Variants in PTPDC1 observed in about 807,000 individuals in gnomAD.
PTPDC1 encodes the protein protein tyrosine phosphatase domain containing 1.
In PTPDC1, 53 loss-of-function variants were observed where a neutral mutation model predicts 75.3. The ratio of observed to expected loss-of-function variants is 0.70; its 90% CI spans 0.56 to 0.88. The LOEUF (loss-of-function observed/expected upper bound fraction) is 0.88. Ranked by LOEUF, PTPDC1 falls within the 40% of genes least tolerant of loss-of-function variation. The pLI, the probability that PTPDC1 is intolerant of heterozygous loss-of-function variation, is 0.00. For missense variants in PTPDC1, 925 were observed against 998.6 expected, an observed-to-expected ratio of 0.93 and a Z score of 0.99; for synonymous variants, 349 against 366.2, an observed-to-expected ratio of 0.95 and a Z score of 0.54.
chr9:94,041,640 T>G (rs1825429993), intron 1 of PTPDC1, among the ~76,000 whole-genome samples: 1 of 152,222 alleles, frequency 6.6e-6, no homozygotes, highest in African/African-American at 2.4e-5. Context: ...ATTTATTTTG[T>G]TACTCAAATT....
rs1354334231 is a variant in PTPDC1, at chr9:94,098,175, G to A, written c.1609G>A (p.Glu537Lys). 13 of 1,614,080 alleles carry A rather than the reference G, an allele frequency of 8.1e-6. No individual in the cohort carries two copies. The highest frequency in any genetic ancestry group is 1.0e-5 in the Non-Finnish European group (12 of 1,180,032). ...PIFHGRIIPK[E>K]AQQSGAFSAD... is the part of the protein sequence containing the mutation. ...TTTCCATGGAAGGATCATTCCAAAG[G>A]AAGCACAGCAGAGTGGAGCTTTCTC... The change falls in exon 6 of 9, where the codon GAA becomes AAA. Residue 537 changes from glutamate (E) to lysine (K), a missense_variant. Physicochemically the swap from Glu to Lys is moderately conservative, Grantham distance 56. Coordinates refer to ENST00000620992, the MANE Select transcript of PTPDC1 (RefSeq NM_001253829.2).
rs757128602 is a variant in PTPDC1 at position 94,098,092 on chromosome 9, T to C, written c.1526T>C (p.Phe509Ser). Residue 509 changes from phenylalanine (F) to serine (S), a missense_variant, in exon 6 of 9, where the codon TTC (phenylalanine) becomes TCC (serine). Phe to Ser is a radical substitution (Grantham distance 155, BLOSUM62 -2). Transcript: ENST00000620992. ...GCCTTGGTTCGCAGCACACTTTCTTTCTGGAGTCAGTCAAAGTTTGGAGGC... is the reference window on the plus strand; with the variant it reads ...GCCTTGGTTCGCAGCACACTTTCTTCCTGGAGTCAGTCAAAGTTTGGAGGC... ...KEALVRSTLS[F>S]WSQSKFGGLE... is the part of the protein sequence containing the mutation. 1 of 1,614,200 alleles carries C rather than the reference T, an allele frequency of 6.2e-7. No homozygotes were observed. The highest frequency in any genetic ancestry group is 1.1e-5 in the South Asian group (1 of 91,072).
intron 7 of PTPDC1, among the ~76,000 whole-genome samples, chr9:94,103,920 A>G (rs1827929151): frequency 6.6e-6 from 1 of 152,196 alleles, no homozygotes; most frequent in Non-Finnish European, 1.5e-5. Flanking sequence ...ATGTATCTCT[A>G]TGACATGTCA....
At chr9:94,064,586 A>G in intron 1 of PTPDC1, 1 of 585,470 alleles carries the variant, frequency 1.7e-6, no homozygotes. Context: ...ACTTAACAGC[A>G]CATCTCAACC....
chr9:94,056,055 G>A (rs1825923910), intron 1 of PTPDC1, among the ~76,000 whole-genome samples: 2 of 152,098 alleles, frequency 1.3e-5, no homozygotes, highest in South Asian at 4.1e-4. Context: ...TATATGGGAA[G>A]CCTCTATACC....
rs1444817556 is a variant in PTPDC1, at chr9:94,101,751, GGTAAAGTGGCT to G, written c.2199+4_2199+14del. 6.2e-7 allele frequency: 1 copy of G among 1,603,272 alleles called. No homozygotes were observed. ...CAGAAGCACTTTTTTTATTAGAGAA[GGTAAAGTGGCT>G]GTAGGACCAGTTAATGACTGTAACT... On this transcript the variant is annotated splice_donor_variant and splice_donor_5th_base_variant and intron_variant, in intron 7 of 8. Transcript: ENST00000620992. LOFTEE classifies it high-confidence loss of function.
At chr9:94,077,966 T>G (rs567088617) in intron 2 of PTPDC1, among the ~76,000 whole-genome samples, 1 of 152,208 alleles carries the variant, frequency 6.6e-6, no homozygotes. Context: ...AGACCAAATA[T>G]GTATTTCACA....
At chr9:94,104,519 T>G (rs1827950916) in intron 8 of PTPDC1, 134 bp downstream of exon 8, 3 of 580,498 alleles carry the variant, frequency 5.2e-6, no homozygotes, top group Non-Finnish European at 3.0e-6. Context: ...GAAATCTGTT[T>G]GACATTTCTT....
rs182171000 is a variant in PTPDC1, at chr9:94,063,194, T to G, written c.-6-1540T>G. 3.4e-3 allele frequency among the ~76,000 whole-genome samples: 521 copies of G among 152,338 alleles called. 4 individuals are homozygous for G. The highest frequency in any genetic ancestry group is 0.012 in the African/African-American group (498 of 41,580). On this transcript the variant is annotated intron_variant, in intron 1 of 9. Transcript: ENST00000375360. ...CCTTCTCTGGGACATGGTTCATAAC[T>G]TCTTATATACAAAATAGCCAGGGCT...
chr9:94,089,369 A>G (rs1248089357), intron 4 of PTPDC1, among the ~76,000 whole-genome samples: 7 of 148,278 alleles, frequency 4.7e-5, no homozygotes, highest in South Asian at 2.2e-4. Context: ...GAGAATGATG[A>G]TTTCCAATTT....
In PTPDC1 at chr9:94,108,087, C is replaced by G; in HGVS notation, c.*143C>G. ...TTAGTTTGTGCTGAGAATGGTCGTC[C>G]GTATTTGAACCAATTATTTATTTTA... On this transcript the variant is annotated 3_prime_UTR_variant, in exon 9 of 9. Transcript: ENST00000620992. 1 of 420,842 alleles carries G rather than the reference C, an allele frequency of 2.4e-6. No individual in the cohort carries two copies. 26.1% of individuals were successfully genotyped at this position (420,842 alleles called of 1,614,324 possible).
intron 2 of PTPDC1, among the ~76,000 whole-genome samples, chr9:94,085,639 A>T (rs1183916532): frequency 6.6e-6 from 1 of 152,208 alleles, no homozygotes; most frequent in Admixed American, 6.5e-5. Flanking sequence ...CCAAAACCAT[A>T]GGGTTTTTTA....
In PTPDC1 at chr9:94,084,653, T is replaced by A; in HGVS notation, c.123T>A (p.Ser41=). The change falls in exon 1 of 9, where the codon TCT becomes TCA. Residue 41 remains serine, a synonymous_variant. Coordinates refer to ENST00000620992, the MANE Select transcript of PTPDC1 (RefSeq NM_001253829.2). Reference sequence around the variant, plus strand: ...GGCTGCAGCAGGCCCGGCGGGGCTCTGGCTTGGGCTCCGGCTCTGCCACGA... The same window carrying A: ...GGCTGCAGCAGGCCCGGCGGGGCTCAGGCTTGGGCTCCGGCTCTGCCACGA... The part of the protein sequence containing the change: ...VLRLQQARRG[S]GLGSGSATKL... 1 of 1,613,472 alleles carries A rather than the reference T, an allele frequency of 6.2e-7. No homozygotes were observed. Among genetic ancestry groups the A allele is most frequent in the Middle Eastern group, 1.7e-4 (1 of 6,056 alleles).
At chr9:94,040,201 A>G (rs1461191785) in intron 1 of PTPDC1, among the ~76,000 whole-genome samples, 1 of 152,126 alleles carries the variant, frequency 6.6e-6, no homozygotes, top group Non-Finnish European at 1.5e-5. Flanking sequence ...TTTTTGGAAT[A>G]TTGGCTCATT....
intron 1 of PTPDC1, among the ~76,000 whole-genome samples, chr9:94,041,405 A>G (rs1345819857): frequency 6.6e-6 from 1 of 152,186 alleles, no homozygotes; most frequent in South Asian, 2.1e-4. Flanking sequence ...GAATGCCCTT[A>G]ATAGCTTAAA....
At chr9:94,065,760 A>G (rs1269985239) in intron 2 of PTPDC1, among the ~76,000 whole-genome samples, 2 of 152,192 alleles carry the variant, frequency 1.3e-5, no homozygotes, top group Non-Finnish European at 2.9e-5. Context: ...ACTACTGGTA[A>G]CTACCATTTG....
intron 4 of PTPDC1, among the ~76,000 whole-genome samples, chr9:94,095,084 G>A (rs1003714448): frequency 6.6e-6 from 1 of 152,166 alleles, no homozygotes; most frequent in Non-Finnish European, 1.5e-5. Flanking sequence ...GTTCCTATTC[G>A]GCCATCTTGG....
intron 1 of PTPDC1, among the ~76,000 whole-genome samples, chr9:94,039,290 C>T (rs1449764313): frequency 6.6e-6 from 1 of 151,760 alleles, no homozygotes; most frequent in Non-Finnish European, 1.5e-5. Context: ...TCTTTATAGT[C>T]TATGAGAAAT....
chr9:94,101,533 T>C (rs1827841616), intron 6 of PTPDC1, 33 bp from the exon 7 acceptor site: 1 of 1,549,356 alleles, frequency 6.5e-7, no homozygotes, highest in Non-Finnish European at 8.9e-7. Context: ...TGTCTCTGTC[T>C]CTGTCTGTCT....
Sources: allele counts gnomAD v4.1 joint callset (sites outside exome capture counted in the v4.1 genomes callset), GRCh38; gene constraint gnomAD v4.1.1; transcripts MANE v1.5; gene names NCBI Gene and HGNC (gene_info 2026-07-23, HGNC 2026-07-21).